The following SORBS2 variants were observed in gnomAD, a reference collection of about 807,000 sequenced individuals.
SORBS2 encodes sorbin and SH3 domain-containing protein 2.
In SORBS2, 46 loss-of-function variants were observed where a neutral mutation model predicts 97.7. That is an observed-to-expected ratio of 0.47 (90% confidence interval 0.37 to 0.60). The LOEUF (loss-of-function observed/expected upper bound fraction) is 0.60, where lower values mean the gene tolerates loss of function less well. SORBS2 is among the 20% of genes least tolerant of loss of function. SORBS2 has a pLI of 0.00. For missense variants in SORBS2, 1,316 were observed against 1,282.3 expected (o/e 1.03, Z -0.40); for synonymous variants, 476 against 473.4 (o/e 1.01, Z -0.07).
At chr4:185,605,449 A>C (rs568567714) in intron 12 of SORBS2, among the ~76,000 whole-genome samples, 1 of 134,670 alleles carries the variant, frequency 7.4e-6, no homozygotes, top group Non-Finnish European at 1.6e-5. Flanking sequence ...TGTCTGACTA[A>C]TTTTTGTATT....
chr4:185,948,649 C>A (rs112003218), intron 1 of SORBS2, among the ~76,000 whole-genome samples: 1 of 150,292 alleles, frequency 6.7e-6, no homozygotes, highest in Non-Finnish European at 1.5e-5. Flanking sequence ...TCCCAAGTAG[C>A]TGGGATTACA....
At chr4:185,587,515 C>T in exon 15 of SORBS2, 5 of 852,484 alleles carry the variant, frequency 5.9e-6, no homozygotes, top group East Asian at 2.6e-5. Context: ...GAGATGGTGA[C>T]GGCGCATTGG....
At chr4:185,927,076 A>G (rs111721853) in intron 1 of SORBS2, among the ~76,000 whole-genome samples, 2 of 150,428 alleles carry the variant, frequency 1.3e-5, no homozygotes, top group Non-Finnish European at 3.0e-5. Context: ...ACCACATATT[A>G]TATAATATAT....
chr4:185,628,745 T>C (rs1281306860), intron 5 of SORBS2, among the ~76,000 whole-genome samples: 1 of 152,198 alleles, frequency 6.6e-6, no homozygotes, highest in African/African-American at 2.4e-5. Context: ...CAAGACCCTG[T>C]CTCATCAGTC....
chr4:185,896,548 C>T (rs745492762), intron 1 of SORBS2, among the ~76,000 whole-genome samples: 14 of 152,214 alleles, frequency 9.2e-5, no homozygotes, highest in Non-Finnish European at 2.1e-4. Context: ...CGCGCCACTG[C>T]ACTCCAACCT....
In SORBS2 at chr4:185,949,985, G is replaced by A. The variant is rs10001206; in HGVS notation, c.-338+6211C>T. Among the ~76,000 whole-genome samples the A allele has an allele frequency of 3.1e-3, 478 of 152,294 alleles. 5 individuals carry two copies. The highest frequency in any genetic ancestry group is 0.01 in the African/African-American group (434 of 41,566). ...AGAATATTTTGAGGCCAGACACAGT[G>A]GCTCACGGCCATAATCCCAGCACTT... is the stretch of plus-strand genomic sequence containing the variant. On this transcript the variant is annotated intron_variant, in intron 1 of 20. Transcript: ENST00000284776.
upstream of SORBS2, among the ~76,000 whole-genome samples, chr4:185,659,219 G>A (rs958450099): frequency 1.3e-5 from 2 of 152,136 alleles, no homozygotes; most frequent in Non-Finnish European, 2.9e-5. Context: ...TGCAGTTTAT[G>A]TGCTGGATGG....
rs142328544 is a variant in SORBS2 at position 185,754,877 on chromosome 4, A to C, written c.-198+20350T>G. 3.3e-4 allele frequency among the ~76,000 whole-genome samples: 50 copies of C among 152,304 alleles called. 1 individual carries two copies. Among genetic ancestry groups the C allele is most frequent in the African/African-American group, 1.1e-3 (47 of 41,574 alleles). On this transcript the variant is annotated intron_variant, in intron 2 of 20. Coordinates refer to the SORBS2 transcript ENST00000284776. Reference sequence around the variant, plus strand: ...TGAGGCAGACCTGGAAGGGCAATACATCACTTCTACGAGCCAGAAATTGTC... The same window carrying C: ...TGAGGCAGACCTGGAAGGGCAATACCTCACTTCTACGAGCCAGAAATTGTC...
At chr4:185,732,484 A>G (rs951057941) in intron 2 of SORBS2, among the ~76,000 whole-genome samples, 11 of 152,194 alleles carry the variant, frequency 7.2e-5, no homozygotes, top group South Asian at 4.1e-4. Context: ...GTGAGGGGTT[A>G]TTAGTCCTCT....
intron 1 of SORBS2, among the ~76,000 whole-genome samples, chr4:185,839,992 A>T (rs559650015): frequency 1.2e-5 from 1 of 82,802 alleles, no homozygotes; most frequent in East Asian, 2.3e-3. Flanking sequence ...CATGAGTCTT[A>T]CCCTGTGGAA....
intron 1 of SORBS2, among the ~76,000 whole-genome samples, chr4:185,861,155 A>G (rs878894459): frequency 5.9e-5 from 9 of 152,112 alleles, no homozygotes; most frequent in African/African-American, 2.2e-4. Flanking sequence ...TTCTGTTTTA[A>G]TGTTCATGCT....
intron 1 of SORBS2, among the ~76,000 whole-genome samples, chr4:185,810,008 A>C (rs2099172973): frequency 6.6e-6 from 1 of 152,232 alleles, no homozygotes; most frequent in South Asian, 2.1e-4. Context: ...CCTTTCATTC[A>C]GCTCATATAG....
At chr4:185,723,910 T>G (rs1477430782) in intron 2 of SORBS2, among the ~76,000 whole-genome samples, 1 of 152,196 alleles carries the variant, frequency 6.6e-6, no homozygotes, top group Non-Finnish European at 1.5e-5. Flanking sequence ...ATCACTTTGC[T>G]TACTTCAAAC....
intron 1 of SORBS2, among the ~76,000 whole-genome samples, chr4:185,948,748 A>C (rs1167937957): frequency 1.3e-5 from 2 of 151,584 alleles, no homozygotes; most frequent in East Asian, 1.9e-4. Context: ...GAACTCCTGA[A>C]CTCAGGTGAT....
intron 1 of SORBS2, among the ~76,000 whole-genome samples, chr4:185,875,861 A>T (rs1179369512): frequency 6.6e-6 from 1 of 152,218 alleles, no homozygotes; most frequent in Non-Finnish European, 1.5e-5. Context: ...AGGTAATAAC[A>T]TGACTTCCAA....
At chr4:185,843,737 TG>T (rs1200838372) in intron 1 of SORBS2, among the ~76,000 whole-genome samples, 1 of 152,198 alleles carries the variant, frequency 6.6e-6, no homozygotes, top group Non-Finnish European at 1.5e-5. Context: ...ATCATGTTCA[TG>T]GATGAGAAAA....
At position 185,588,587 on chromosome 4, in the gene SORBS2, T is replaced by TCTCCTTCCTCCTCCTCCTCCCTCCTC. The variant is rs138160304; in HGVS notation, c.2954-900_2954-899insGAGGAGGGAGGAGGAGGAGGAAGGAG. On this transcript the variant is annotated intron_variant, in intron 14 of 14. Transcript: ENST00000418609. ...TTGGCTAGGCAAGCCATTTTACGTTTCTCCTCCCTCCTCCTCCTCCCTCCT... is the reference window on the plus strand; with the variant it reads ...TTGGCTAGGCAAGCCATTTTACGTTTCTCCTTCCTCCTCCTCCTCCCTCCTCCTCCTCCCTCCTCCTCCTCCCTCCT... Among the ~76,000 whole-genome samples, 38 of 122,938 alleles carry TCTCCTTCCTCCTCCTCCTCCCTCCTC rather than the reference T, an allele frequency of 3.1e-4. 2 individuals are homozygous for TCTCCTTCCTCCTCCTCCTCCCTCCTC. The highest frequency in any genetic ancestry group is 6.2e-4 in the East Asian group (2 of 3,204). The allele number at this position is 122,938 out of a possible 152,430, so 80.7% of individuals were successfully genotyped here. A position where few individuals can be genotyped will look rare whatever the true frequency, so the allele number is the denominator to read the frequency against.
chr4:185,861,905 T>C (rs1165300495), intron 1 of SORBS2, among the ~76,000 whole-genome samples: 1 of 152,176 alleles, frequency 6.6e-6, no homozygotes, highest in African/African-American at 2.4e-5. Context: ...CCCTGACTTC[T>C]ATTTTATAGA....
At chr4:185,901,456 G>A (rs375796355) in intron 1 of SORBS2, among the ~76,000 whole-genome samples, 68 of 152,158 alleles carry the variant, frequency 4.5e-4, no homozygotes, top group African/African-American at 1.4e-3. Context: ...CGCCCGCCTC[G>A]GCCTCCTAAG....
Sources: allele counts gnomAD v4.1 joint callset (sites outside exome capture counted in the v4.1 genomes callset), GRCh38; gene constraint gnomAD v4.1.1; transcripts MANE v1.5; gene names NCBI Gene and HGNC (gene_info 2026-07-23, HGNC 2026-07-21).